CCAR1: variants seen among roughly 807,000 people sequenced by gnomAD.
The protein encoded by CCAR1 is cell division cycle and apoptosis regulator 1, also known as cell division cycle and apoptosis regulator protein 1.
In CCAR1, 78 loss-of-function variants were observed where a neutral mutation model predicts 163.8. The ratio of observed to expected loss-of-function variants is 0.48; its 90% confidence interval spans 0.40 to 0.57. The LOEUF is 0.57. Among genes scored for constraint, CCAR1 ranks in the 20% least tolerant of loss-of-function variants. The pLI is 0.00. For missense variants in CCAR1, 1,019 were observed against 1,365.2 expected (o/e 0.75, Z 4.00); for synonymous variants, 443 against 460.7 (o/e 0.96, Z 0.49).
intron 10 of CCAR1, among the ~76,000 whole-genome samples, chr10:68,750,214 C>CT (rs58204351): frequency 5.1e-4 from 27 of 52,968 alleles, no homozygotes; most frequent in East Asian, 2.3e-3. Context: ...TTTCTTTTTT[C>CT]TTTTTTTTTT....
chr10:68,779,144 A>T (rs929579194), intron 19 of CCAR1, among the ~76,000 whole-genome samples: 18 of 151,728 alleles, frequency 1.2e-4, no homozygotes, highest in African/African-American at 4.4e-4. Flanking sequence ...TGCCTGGCTG[A>T]GACTACACTT....
At chr10:68,738,784 C>T (rs2056146129) in intron 4 of CCAR1, among the ~76,000 whole-genome samples, 1 of 151,854 alleles carries the variant, frequency 6.6e-6, no homozygotes, top group South Asian at 2.1e-4. Flanking sequence ...CAGTGGTTCA[C>T]GCCTGTAATC....
At position 68,748,218 on chromosome 10, in the gene CCAR1, C is replaced by T. The variant is rs115505181; in HGVS notation, c.826+652C>T. Among the ~76,000 whole-genome samples, 924 of 152,080 alleles carry T rather than the reference C, an allele frequency of 6.1e-3. 7 individuals are homozygous for T. The highest frequency in any genetic ancestry group is 0.021 in the African/African-American group (878 of 41,484). On this transcript the variant is annotated intron_variant, in intron 8 of 24. Coordinates refer to ENST00000265872, the MANE Select transcript of CCAR1 (RefSeq NM_018237.4). ...TAGGGCCAGGCATGGTGGCTCACAC[C>T]GTAATCCCAGCACTTTTGGAAAAAT...
chr10:68,729,438 T>G (rs899663693), intron 2 of CCAR1, among the ~76,000 whole-genome samples: 4 of 151,660 alleles, frequency 2.6e-5, no homozygotes, highest in Non-Finnish European at 4.4e-5. Flanking sequence ...CCCGGCTAAT[T>G]TTTTGTATTT....
intron 2 of CCAR1, among the ~76,000 whole-genome samples, chr10:68,731,378 C>T (rs1037483304): frequency 3.3e-5 from 5 of 152,108 alleles, no homozygotes; most frequent in African/African-American, 1.2e-4. Flanking sequence ...TAATGAAATA[C>T]ACTTCATTGA....
intron 10 of CCAR1, among the ~76,000 whole-genome samples, chr10:68,751,701 A>G (rs2056332800): frequency 6.6e-6 from 1 of 150,440 alleles, no homozygotes. Flanking sequence ...CATCTCTACT[A>G]AAAAATAAAA....
At chr10:68,749,784 G>C (rs566075714) in intron 10 of CCAR1, 99 bp downstream of exon 10, 1 of 1,015,414 alleles carries the variant, frequency 9.8e-7, no homozygotes, top group Non-Finnish European at 1.5e-6. Context: ...TTGATTTCCC[G>C]ACAGTTAGTG....
chr10:68,753,876 A>G lies in CCAR1; in HGVS notation c.1143A>G (p.Leu381=). ...LDCPSCDMME[L]RRRYQNLYIP... is the part of the protein sequence containing the mutation. ...GTCCCAGTTGTGACATGATGGAACT[A>G]AGGCGCCGTTATCAAAATTTGTATA... The change falls in exon 11 of 25, where the codon CTA becomes CTG. Residue 381 remains leucine (L), a synonymous_variant. Transcript: ENST00000265872. 3 of 1,613,670 alleles carry G rather than the reference A, an allele frequency of 1.9e-6. No homozygotes were observed. Among genetic ancestry groups the G allele is most frequent in the African/African-American group, 1.3e-5 (1 of 75,036 alleles).
rs953414609 is a variant in CCAR1 at position 68,766,147 on chromosome 10, A to C, written c.2298+68A>C. On this transcript the variant is annotated intron_variant, in intron 17 of 24. Transcript: ENST00000265872. The stretch of plus-strand genomic sequence containing the variant: ...CATTATGACTAGTTAATATATCTCT[A>C]TCTCTGAAATCTTTTTTCTTTGTTT... The C allele has an allele frequency of 2.8e-5, 26 of 914,374 alleles. No individual in the cohort carries two copies. In the African/African-American group the frequency reaches 2.9e-4, roughly 10 times the overall value. 56.6% of individuals were successfully genotyped at this position (914,374 alleles called of 1,614,324 possible).
At chr10:68,766,113 A>ATGTGTGGACCTTATAT in intron 17 of CCAR1, 34 bp downstream of exon 17, 3 of 1,315,542 alleles carry the variant, frequency 2.3e-6, no homozygotes, top group African/African-American at 1.5e-5. Context: ...GATCCATATA[A>ATGTGTGGACCTTATAT]GGTCCACACA....
Position 68,755,521 on chromosome 10 carries a change from G to A in CCAR1, c.1610G>A (p.Ser537Asn). ...AAGGCTCTGACAGGCATTGATCTAA[G>A]TGTGTGCACACAATGGTAAGTACTA... ...CCKALTGIDL[S>N]VCTQWYRFAE... The change falls in exon 13 of 25, where the codon AGT becomes AAT. Residue 537 changes from serine (S) to asparagine (N), a missense_variant. By Grantham distance (46) the Ser-to-Asn change is conservative (BLOSUM62 1). Coordinates refer to ENST00000265872, the MANE Select transcript of CCAR1 (RefSeq NM_018237.4). 6.2e-7 allele frequency: 1 copy of A among 1,613,548 alleles called. No homozygotes were observed. The highest frequency in any genetic ancestry group is 8.5e-7 in the Non-Finnish European group (1 of 1,179,622).
chr10:68,722,618 GACTTGTTAAA>G (rs1164269120), intron 2 of CCAR1, 41 bp downstream of exon 2: 1 of 1,499,896 alleles, frequency 6.7e-7, no homozygotes, highest in East Asian at 2.3e-5. Context: ...GTTTGTGGGG[GACTTGTTAAA>G]ACTACGTGAA....
intron 19 of CCAR1, among the ~76,000 whole-genome samples, chr10:68,778,855 TTTTG>T (rs1164122815): frequency 1.3e-5 from 2 of 152,190 alleles, no homozygotes; most frequent in Non-Finnish European, 2.9e-5. Flanking sequence ...ACTACTCTTT[TTTTG>T]TTTGTTTTTT....
At chr10:68,783,448 C>G (rs887379116) in intron 19 of CCAR1, among the ~76,000 whole-genome samples, 2 of 152,070 alleles carry the variant, frequency 1.3e-5, no homozygotes, top group African/African-American at 4.8e-5. Context: ...GCTGGGATTA[C>G]AGGCGTGAGC....
chr10:68,740,051 A>G (rs1251046143), intron 4 of CCAR1, among the ~76,000 whole-genome samples: 1 of 152,192 alleles, frequency 6.6e-6, no homozygotes, highest in East Asian at 1.9e-4. Context: ...TTGTCCATCA[A>G]CAGTGCTTCT....
chr10:68,734,988 A>G (rs1358511363), intron 2 of CCAR1, among the ~76,000 whole-genome samples: 1 of 152,154 alleles, frequency 6.6e-6, no homozygotes, highest in East Asian at 1.9e-4. Context: ...TTAGCAAATT[A>G]TCATTTTAAG....
chr10:68,754,102 G>T, intron 11 of CCAR1, 25 bp downstream of exon 11: 1 of 1,469,668 alleles, frequency 6.8e-7, no homozygotes, highest in African/African-American at 1.4e-5. Context: ...GTGATATGCA[G>T]CTTAAATTTC....
At chr10:68,743,317 C>G (rs1233936377) in intron 6 of CCAR1, among the ~76,000 whole-genome samples, 1 of 151,538 alleles carries the variant, frequency 6.6e-6, no homozygotes, top group Non-Finnish European at 1.5e-5. Flanking sequence ...ATGCCTCAGC[C>G]ACCATGCCTG....
intron 4 of CCAR1, among the ~76,000 whole-genome samples, 189 bp from the exon 5 acceptor site, chr10:68,740,440 G>A (rs1357192140): frequency 6.6e-6 from 1 of 152,170 alleles, no homozygotes; most frequent in Non-Finnish European, 1.5e-5. Context: ...GGAGGCCAAG[G>A]CAAGAGGATT....
Sources: gnomAD v4.1 joint callset for allele counts (sites outside exome capture counted in the v4.1 genomes callset) on GRCh38, gnomAD v4.1.1 for gene constraint, MANE v1.5 for transcripts, NCBI Gene and HGNC (gene_info 2026-07-23, HGNC 2026-07-21) for gene names.